The following ZBTB44 variants were observed in gnomAD, a reference collection of about 807,000 sequenced individuals.
ZBTB44 encodes zinc finger and BTB domain-containing protein 44.
ZBTB44 carries 15 observed loss-of-function variants against 54.0 expected under a neutral mutation model. The ratio of observed to expected loss-of-function variants is 0.28; its 90% CI spans 0.19 to 0.43. ZBTB44 has a LOEUF of 0.43. Among genes scored for constraint, ZBTB44 ranks in the 20% least tolerant of loss-of-function variants. ZBTB44 has a pLI of 1.00. For synonymous variants in ZBTB44, 230 were observed against 250.1 expected, an observed-to-expected ratio of 0.92 and a Z score of 0.76; for missense variants, 487 against 707.1, an observed-to-expected ratio of 0.69 and a Z score of 3.53.
At chr11:130,251,424 C>G (rs1380527906) in intron 2 of ZBTB44, among the ~76,000 whole-genome samples, 1 of 152,094 alleles carries the variant, frequency 6.6e-6, no homozygotes, top group Non-Finnish European at 1.5e-5. Flanking sequence ...GGCCAACATT[C>G]AAATTCAGGA....
chr11:130,293,534 C>T (rs959981714), intron 1 of ZBTB44, among the ~76,000 whole-genome samples: 2 of 148,756 alleles, frequency 1.3e-5, no homozygotes, highest in African/African-American at 2.5e-5. Context: ...AATCCCAGCA[C>T]TTTGGGAGGC....
At chr11:130,311,299 C>T (rs1366105130) in intron 1 of ZBTB44, among the ~76,000 whole-genome samples, 4 of 152,112 alleles carry the variant, frequency 2.6e-5, no homozygotes, top group African/African-American at 9.7e-5. Flanking sequence ...GCCTCAACCT[C>T]CTGGGCTCAA....
chr11:130,297,070 T>C, intron 1 of ZBTB44: 1 of 642,558 alleles, frequency 1.6e-6, no homozygotes, highest in Non-Finnish European at 2.8e-6. Flanking sequence ...CATGCCTTTC[T>C]TTCATCTTGA....
Position 130,228,287 on chromosome 11 carries a change from CAAGG to C in ZBTB44, c.*3473_*3476del, listed in dbSNP as rs1272346836. The C allele has an allele frequency of 6.6e-6, 1 of 152,064 alleles. No individual in the cohort carries two copies. The highest frequency in any genetic ancestry group is 2.4e-5 in the African/African-American group (1 of 41,392). 9.4% of individuals were successfully genotyped at this position (152,064 alleles called of 1,614,324 possible). A position where few individuals can be genotyped will look rare whatever the true frequency, so the allele number is the denominator to read the frequency against. The stretch of plus-strand genomic sequence containing the variant: ...AAGCATTAGAAGTCATCACTTTGTA[CAAGG>C]AAGAAAATGAATACAGTTTATGATC... On this transcript the variant is annotated 3_prime_UTR_variant, in exon 8 of 8. Transcript: ENST00000357899.
At chr11:130,236,624 A>C (rs931592349) in intron 5 of ZBTB44, 169 bp downstream of exon 5, 1 of 637,306 alleles carries the variant, frequency 1.6e-6, no homozygotes, top group African/African-American at 1.9e-5. Flanking sequence ...TAGAAGACTC[A>C]GCAAAATTTT....
chr11:130,253,618 G>C (rs901235053), intron 2 of ZBTB44, among the ~76,000 whole-genome samples: 1 of 152,052 alleles, frequency 6.6e-6, no homozygotes, highest in Non-Finnish European at 1.5e-5. Context: ...TAGGAAGAAT[G>C]AATATCGTGA....
At chr11:130,255,415 G>T (rs571901066) in intron 2 of ZBTB44, among the ~76,000 whole-genome samples, 1 of 152,182 alleles carries the variant, frequency 6.6e-6, no homozygotes, top group African/African-American at 2.4e-5. Context: ...CAGTTGAGAG[G>T]GAAATTTATA....
At chr11:130,314,044 C>CT (rs1272636516) in intron 1 of ZBTB44, among the ~76,000 whole-genome samples, 1 of 149,534 alleles carries the variant, frequency 6.7e-6, no homozygotes, top group Non-Finnish European at 1.5e-5. Flanking sequence ...AAAAACAGGT[C>CT]TGAGCCTCCC....
intron 1 of ZBTB44, chr11:130,285,786 T>C (rs1242014223): frequency 9.9e-6 from 2 of 202,314 alleles, no homozygotes; most frequent in Admixed American, 9.7e-5. Flanking sequence ...TATACTTCTT[T>C]TGACAGTGAT....
At chr11:130,284,322 T>C (rs926254675) in intron 1 of ZBTB44, among the ~76,000 whole-genome samples, 2 of 152,226 alleles carry the variant, frequency 1.3e-5, no homozygotes, top group Admixed American at 6.5e-5. Flanking sequence ...AAAAGTTTAT[T>C]CATTGGTAAA....
intron 2 of ZBTB44, among the ~76,000 whole-genome samples, chr11:130,252,304 T>C (rs371598947): frequency 1.3e-5 from 2 of 152,304 alleles, no homozygotes; most frequent in Non-Finnish European, 1.5e-5. Flanking sequence ...CAAAGAGACT[T>C]AGACCCCCAC....
Position 130,257,799 on chromosome 11 carries a change from C to T in ZBTB44, c.1018+3057G>A, listed in dbSNP as rs1285160418. Among the ~76,000 whole-genome samples, 3 of 152,130 alleles carry T rather than the reference C, an allele frequency of 2.0e-5. 1 individual carries two copies. The South Asian group carries it at 6.2e-4, about 32-fold the overall frequency. ...ACAAATCTTTATTATTCACTAGTGGCTTTTCTTCTATCCCTTCCCAAACCT... is the reference window on the plus strand; with the variant it reads ...ACAAATCTTTATTATTCACTAGTGGTTTTTCTTCTATCCCTTCCCAAACCT... On this transcript the variant is annotated intron_variant, in intron 2 of 7. Transcript: ENST00000357899.
chr11:130,232,066 A>C (rs1953895202), intron 7 of ZBTB44: 1 of 152,238 alleles, frequency 6.6e-6, no homozygotes, highest in South Asian at 2.1e-4. Context: ...AGGACTGCAG[A>C]ATATGGGCAG....
intron 1 of ZBTB44, among the ~76,000 whole-genome samples, chr11:130,271,705 G>A (rs188266489): frequency 6.6e-5 from 10 of 152,144 alleles, no homozygotes; most frequent in Admixed American, 5.9e-4. Flanking sequence ...TCCATATTCC[G>A]CATTTTTATT....
intron 1 of ZBTB44, among the ~76,000 whole-genome samples, chr11:130,290,432 A>G (rs1486996793): frequency 6.6e-6 from 1 of 152,080 alleles, no homozygotes; most frequent in Non-Finnish European, 1.5e-5. Context: ...AACTAATACA[A>G]TTTCTCTTCC....
chr11:130,282,632 C>T (rs1940613753), intron 1 of ZBTB44, among the ~76,000 whole-genome samples: 1 of 152,218 alleles, frequency 6.6e-6, no homozygotes, highest in Admixed American at 6.5e-5. Flanking sequence ...TTGAAGGCCA[C>T]CTAGCCCTAC....
chr11:130,288,907 AAAAAG>A (rs1229495775), intron 1 of ZBTB44, among the ~76,000 whole-genome samples: 1 of 151,880 alleles, frequency 6.6e-6, no homozygotes, highest in Non-Finnish European at 1.5e-5. Flanking sequence ...AAAAAAAAAA[AAAAAG>A]AAAAAGAAAA....
At chr11:130,253,389 A>T (rs1938183829) in intron 2 of ZBTB44, among the ~76,000 whole-genome samples, 1 of 152,236 alleles carries the variant, frequency 6.6e-6, no homozygotes, top group Non-Finnish European at 1.5e-5. Flanking sequence ...ACAAAAATCA[A>T]TGTGCAAAAA....
chr11:130,302,173 A>C (rs1942024034), intron 1 of ZBTB44, among the ~76,000 whole-genome samples: 1 of 152,172 alleles, frequency 6.6e-6, no homozygotes, highest in Admixed American at 6.5e-5. Flanking sequence ...TTTTCACATA[A>C]ACTTTTGTGA....
Sources: gnomAD v4.1 joint callset for allele counts (sites outside exome capture counted in the v4.1 genomes callset) on GRCh38, gnomAD v4.1.1 for gene constraint, MANE v1.5 for transcripts, NCBI Gene and HGNC (gene_info 2026-07-23, HGNC 2026-07-21) for gene names.